NPHP4: variants seen among roughly 807,000 people sequenced by gnomAD.
NPHP4 encodes nephrocystin 4.
NPHP4 carries 151 observed loss-of-function variants against 155.8 expected under a neutral mutation model. The observed-to-expected ratio is 0.97, with a 90% confidence interval of 0.85 to 1.11. The LOEUF is 1.11. NPHP4 is among the 50% of genes least tolerant of loss of function. The pLI is 0.00. For synonymous variants in NPHP4, 845 were observed against 816.8 expected (o/e 1.03, Z -0.59); for missense variants, 1,956 against 1,925.7 (o/e 1.02, Z -0.29).
chr1:5,956,051 C>T lies in NPHP4; in HGVS notation c.674-3215G>A, dbSNP rs529458337. On this transcript the variant is annotated intron_variant, in intron 6 of 29. Transcript: ENST00000378156. ...CAAGAAACATTTTAACAGAATGTTT[C>T]AAAAAGCTGGGGGGGGGGGGTGCAG... Among the ~76,000 whole-genome samples the T allele has an allele frequency of 1.4e-3, 74 of 51,114 alleles. 1 individual carries two copies. The South Asian group carries it at 0.046, about 31-fold the overall frequency. 33.5% of individuals were successfully genotyped at this position (51,114 alleles called of 152,430 possible). A position where few individuals can be genotyped will look rare whatever the true frequency, so the allele number is the denominator to read the frequency against.
intron 23 of NPHP4, among the ~76,000 whole-genome samples, chr1:5,868,677 C>G (rs1641546526): frequency 6.6e-6 from 1 of 150,890 alleles, no homozygotes; most frequent in South Asian, 2.1e-4. Flanking sequence ...AATGCACACA[C>G]ATGCATGTAC....
rs757359430 is a variant in NPHP4, at chr1:5,867,053, C to T, written c.3535G>A (p.Val1179Ile). The change falls in exon 25 of 30, where the codon GTC becomes ATC. Residue 1179 changes from valine (V) to isoleucine (I), a missense_variant. Coordinates refer to ENST00000378156, the MANE Select transcript of NPHP4 (RefSeq NM_015102.5). This position sits in a 1 kb window ranked among gnomAD's most constrained non-coding sequence, Gnocchi z 4.1. ...ACCACATTCTGGGTCTCACAGATGA[C>T]GTTCGGGTCGCTGCAGCGAACATGG... Reference protein sequence around the residue: ...PVHVRCSDPNVICETQNVGPG... With the variant: ...PVHVRCSDPNIICETQNVGPG... 4.3e-6 allele frequency: 7 copies of T among 1,612,946 alleles called. No homozygotes were observed. The highest frequency in any genetic ancestry group is 1.7e-5 in the Admixed American group (1 of 59,932).
chr1:5,977,188 C>T (rs959183898), intron 3 of NPHP4, among the ~76,000 whole-genome samples: 1 of 152,094 alleles, frequency 6.6e-6, no homozygotes, highest in Non-Finnish European at 1.5e-5. Flanking sequence ...ATGACATCGC[C>T]GGCTGTTAAG....
At position 5,874,895 on chromosome 1, in the gene NPHP4, T is replaced by G; in HGVS notation, c.3023A>C (p.Glu1008Ala). 1 of 1,613,796 alleles carries G rather than the reference T, an allele frequency of 6.2e-7. No individual in the cohort carries two copies. Among genetic ancestry groups the G allele is most frequent in the Non-Finnish European group, 8.5e-7 (1 of 1,179,822 alleles). Residue 1008 changes from glutamate to alanine, a missense_variant, in exon 21 of 30, where the codon GAG (glutamate) becomes GCG (alanine). Transcript: ENST00000378156. ...PHNTQHTVTVEIDNPELSVIV... is the reference protein window; with the variant it reads ...PHNTQHTVTVAIDNPELSVIV... ...TCACCTGAGCTCGGGGTTGTCGATC[T>G]CCACAGTCACCGTGTGCTGTGTGTT... is the stretch of plus-strand genomic sequence containing the variant.
At chr1:5,891,948 G>A (rs937525634) in intron 16 of NPHP4, among the ~76,000 whole-genome samples, 4 of 152,246 alleles carry the variant, frequency 2.6e-5, no homozygotes, top group African/African-American at 4.8e-5. Flanking sequence ...TAGGGGGAGC[G>A]AAGAGTGCAG....
intron 3 of NPHP4, among the ~76,000 whole-genome samples, chr1:5,975,282 G>C (rs1189475713): frequency 1.3e-5 from 2 of 152,208 alleles, no homozygotes; most frequent in African/African-American, 4.8e-5. Context: ...CAAGCACATG[G>C]AGGAAACTGC....
At chr1:5,972,097 C>G (rs1570704566) in intron 3 of NPHP4, among the ~76,000 whole-genome samples, 1 of 152,384 alleles carries the variant, frequency 6.6e-6, no homozygotes, top group East Asian at 1.9e-4. Flanking sequence ...CGGGCACCCC[C>G]CATGGCACGG....
intron 23 of NPHP4, 135 bp from the exon 24 acceptor site, chr1:5,868,031 C>A (rs577863425): frequency 9.8e-5 from 94 of 955,122 alleles, no homozygotes; most frequent in Non-Finnish European, 1.5e-4. Context: ...CGGGGAAGGT[C>A]GGGCATCGTC....
chr1:5,922,242 G>C (rs563138565), intron 11 of NPHP4, among the ~76,000 whole-genome samples: 1 of 152,196 alleles, frequency 6.6e-6, no homozygotes, highest in Non-Finnish European at 1.5e-5. Flanking sequence ...GCACAGCCCC[G>C]CTGAGCCCTC....
intron 11 of NPHP4, among the ~76,000 whole-genome samples, chr1:5,923,911 A>G (rs1352913012): frequency 2.0e-5 from 3 of 152,244 alleles, no homozygotes; most frequent in Admixed American, 6.5e-5. Flanking sequence ...AAATCTATCA[A>G]TCAAAACTGA....
intron 7 of NPHP4, among the ~76,000 whole-genome samples, chr1:5,948,906 C>A (rs2101949634): frequency 6.6e-6 from 1 of 152,292 alleles, no homozygotes; most frequent in East Asian, 1.9e-4. Flanking sequence ...CAAGGATATT[C>A]CCCTGGCTAT....
intron 7 of NPHP4, among the ~76,000 whole-genome samples, chr1:5,950,645 C>T (rs1647799465): frequency 6.6e-6 from 1 of 152,170 alleles, no homozygotes; most frequent in Admixed American, 6.5e-5. Context: ...ACATCTGCCT[C>T]CACGAGAGCA....
In NPHP4 at chr1:5,876,959, G is replaced by A. The variant is rs1251633256; in HGVS notation, c.2817+134C>T. 1.3e-5 allele frequency: 8 copies of A among 629,390 alleles called. No individual in the cohort carries two copies. The Admixed American group carries it at 1.3e-4, about 10-fold the overall frequency. 39.0% of individuals were successfully genotyped at this position (629,390 alleles called of 1,614,324 possible). ...TTTCCCCCGGTGGCTGAAAAAGTCC[G>A]ATTTTCTTATATTCTGTCCCCAGGA... On this transcript the variant is annotated intron_variant, in intron 20 of 29. Transcript: ENST00000378156.
chr1:5,980,933 G>C (rs972844656), intron 2 of NPHP4, among the ~76,000 whole-genome samples: 1 of 151,822 alleles, frequency 6.6e-6, no homozygotes, highest in South Asian at 2.1e-4. Context: ...TTCCTCCTCA[G>C]CTCCTCCCGC....
At chr1:5,940,099 T>A (rs1249888954) in intron 9 of NPHP4, among the ~76,000 whole-genome samples, 1 of 152,196 alleles carries the variant, frequency 6.6e-6, no homozygotes, top group East Asian at 1.9e-4. Flanking sequence ...TGGGGTGCTA[T>A]AATTTTAACA....
At chr1:5,952,887 C>T (rs1648446232) in intron 6 of NPHP4, 51 bp from the exon 7 acceptor site, 3 of 1,523,892 alleles carry the variant, frequency 2.0e-6, no homozygotes, top group Non-Finnish European at 1.8e-6. Flanking sequence ...AAAACACCCA[C>T]TGGCAGCCAC....
At chr1:5,946,014 C>T (rs1291356450) in intron 9 of NPHP4, among the ~76,000 whole-genome samples, 1 of 152,140 alleles carries the variant, frequency 6.6e-6, no homozygotes, top group African/African-American at 2.4e-5. Flanking sequence ...ACTTTTATTA[C>T]TGTATATTAT....
intron 19 of NPHP4, chr1:5,879,441 C>T (rs768535066): frequency 1.6e-4 from 74 of 466,366 alleles, no homozygotes; most frequent in Non-Finnish European, 2.8e-4. Context: ...CTTTCTTTCC[C>T]AAGCTCCATA....
chr1:5,951,981 C>G (rs891112452), intron 7 of NPHP4, among the ~76,000 whole-genome samples: 7 of 152,250 alleles, frequency 4.6e-5, no homozygotes, highest in Admixed American at 4.6e-4. Flanking sequence ...ACATCCCTCC[C>G]AGGGGCCACA....
Sources: gnomAD v4.1 joint callset for allele counts (sites outside exome capture counted in the v4.1 genomes callset) on GRCh38, gnomAD v4.1.1 for gene constraint, Gnocchi (gnomAD v3.1) non-coding constraint, MANE v1.5 for transcripts, NCBI Gene and HGNC (gene_info 2026-07-23, HGNC 2026-07-21) for gene names.